Variants in MAP2K3 observed in about 807,000 individuals in gnomAD.
MAP2K3 encodes the protein dual specificity mitogen-activated protein kinase kinase 3.
Under a neutral mutation model 46.4 loss-of-function variants are expected in MAP2K3, and 30 were observed. That is an observed-to-expected ratio of 0.65 (90% CI 0.48 to 0.88). The LOEUF (loss-of-function observed/expected upper bound fraction) is 0.88. Among genes scored for constraint, MAP2K3 ranks in the 40% least tolerant of loss-of-function variants. MAP2K3 has a pLI of 0.00. For synonymous variants in MAP2K3, 189 were observed against 176.3 expected, an observed-to-expected ratio of 1.07 and a Z score of -0.57; for missense variants, 380 against 464.5, an observed-to-expected ratio of 0.82 and a Z score of 1.67.
At chr17:21,290,637 G>A (rs555786883) in intron 1 of MAP2K3, among the ~76,000 whole-genome samples, 3 of 152,310 alleles carry the variant, frequency 2.0e-5, no homozygotes, top group Non-Finnish European at 4.4e-5. Context: ...CAAGAACCCC[G>A]TTTTTGGTAT....
chr17:21,300,908 A>C lies in MAP2K3; in HGVS notation c.314A>C (p.Lys105Thr), dbSNP rs1976559598. 2 of 1,614,108 alleles carry C rather than the reference A, an allele frequency of 1.2e-6. No individual in the cohort carries two copies. Among genetic ancestry groups the C allele is most frequent in the Non-Finnish European group, 1.7e-6 (2 of 1,180,056 alleles). The change falls in exon 5 of 12, where the codon AAG becomes ACG. Residue 105 changes from lysine to threonine, a missense_variant. Coordinates refer to ENST00000342679, the MANE Select transcript of MAP2K3 (RefSeq NM_145109.3). ...IRATVNSQEQ[K>T]RLLMDLDINM... is the part of the protein sequence containing the mutation. The stretch of plus-strand genomic sequence containing the variant: ...GCCACCGTGAACTCACAGGAGCAGA[A>C]GCGGCTGCTCATGGACCTGGACATC...
intron 1 of MAP2K3, among the ~76,000 whole-genome samples, chr17:21,294,632 A>AAG (rs1976137077): frequency 6.6e-6 from 1 of 152,310 alleles, no homozygotes; most frequent in Non-Finnish European, 1.5e-5. Context: ...CTTCTCCCGC[A>AAG]TGCTTGATAC....
chr17:21,291,220 G>A (rs1241502540), intron 1 of MAP2K3, among the ~76,000 whole-genome samples: 1 of 151,620 alleles, frequency 6.6e-6, no homozygotes. Flanking sequence ...CTCCAGCCTG[G>A]GCAATAGAGA....
rs768904006 is a variant in MAP2K3 at position 21,288,013 on chromosome 17, A to G, written c.49+3044A>G. 3.1e-6 allele frequency: 4 copies of G among 1,289,058 alleles called. No individual in the cohort carries two copies. The South Asian group carries it at 4.9e-5, about 16-fold the overall frequency. The allele number at this position is 1,289,058 out of a possible 1,614,324, so 79.9% of individuals were successfully genotyped here. On this transcript the variant is annotated intron_variant, in intron 1 of 11. Transcript: ENST00000342679. ...CAGGAAACTCTCTGTCAGCCAACCCATGGCCCAGCGCCCAAAGGGAGCAAA... is the reference window on the plus strand; with the variant it reads ...CAGGAAACTCTCTGTCAGCCAACCCGTGGCCCAGCGCCCAAAGGGAGCAAA...
At chr17:21,297,922 G>C (rs939741691) in intron 1 of MAP2K3, among the ~76,000 whole-genome samples, 1 of 152,298 alleles carries the variant, frequency 6.6e-6, no homozygotes, top group African/African-American at 2.4e-5. Context: ...GTCCCCGCCT[G>C]CTCCACCGCC....
At position 21,298,945 on chromosome 17, in the gene MAP2K3, C is replaced by G; in HGVS notation, c.165+19C>G. The G allele has an allele frequency of 6.2e-7, 1 of 1,613,610 alleles. No homozygotes were observed. Among genetic ancestry groups the G allele is most frequent in the African/African-American group, 1.3e-5 (1 of 75,078 alleles). On this transcript the variant is annotated intron_variant, in intron 3 of 11. Coordinates refer to ENST00000342679, the MANE Select transcript of MAP2K3 (RefSeq NM_145109.3). ...AGACAGAGTAGGTGCCAGCCGCCAC[C>G]CCTGCAGGGCCTCTCACTTCACCTG...
intron 1 of MAP2K3, chr17:21,295,595 T>G (rs1211112960): frequency 7.8e-7 from 1 of 1,281,058 alleles, no homozygotes; most frequent in African/African-American, 1.5e-5. Flanking sequence ...CATGACGGCC[T>G]CACCCACTCC....
intron 9 of MAP2K3, among the ~76,000 whole-genome samples, chr17:21,311,263 C>T (rs1309266644): frequency 1.3e-5 from 2 of 152,120 alleles, no homozygotes; most frequent in African/African-American, 4.8e-5. Context: ...GCTGGAGCCT[C>T]GGAATTCTCT....
chr17:21,294,494 G>T (rs1359434300), intron 1 of MAP2K3, among the ~76,000 whole-genome samples: 4 of 152,312 alleles, frequency 2.6e-5, no homozygotes, highest in Non-Finnish European at 5.9e-5. Context: ...CAGGCCCAGG[G>T]TAGAGGGAGC....
chr17:21,285,716 C>T (rs1975704760), intron 1 of MAP2K3, among the ~76,000 whole-genome samples: 1 of 152,138 alleles, frequency 6.6e-6, no homozygotes, highest in Non-Finnish European at 1.5e-5. Flanking sequence ...TGGGGGTTCT[C>T]ACCCCATCTT....
At chr17:21,299,659 G>A (rs1976477112) in intron 3 of MAP2K3, among the ~76,000 whole-genome samples, 1 of 151,474 alleles carries the variant, frequency 6.6e-6, no homozygotes, top group Non-Finnish European at 1.5e-5. Context: ...TCCAGCTTGG[G>A]TGACGGAGTG....
chr17:21,303,146 A>G, intron 6 of MAP2K3, 37 bp from the exon 7 acceptor site: 1 of 1,613,756 alleles, frequency 6.2e-7, no homozygotes, highest in South Asian at 1.1e-5. Flanking sequence ...GGAATAACAG[A>G]GTCCTGTCTC....
At chr17:21,295,959 C>A (rs1976221490) in intron 1 of MAP2K3, 1 of 1,250,472 alleles carries the variant, frequency 8.0e-7, no homozygotes, top group South Asian at 1.3e-5. Flanking sequence ...GGCCCAGGGT[C>A]TCTGTGCAGA....
At chr17:21,300,703 C>T (rs751688422) in intron 4 of MAP2K3, 45 bp downstream of exon 4, 51 of 1,593,612 alleles carry the variant, frequency 3.2e-5, no homozygotes, top group South Asian at 7.9e-5. Flanking sequence ...CTGGAGGAGG[C>T]GGGCTGAGCT....
intron 1 of MAP2K3, among the ~76,000 whole-genome samples, chr17:21,297,655 C>T (rs1425615784): frequency 2.0e-5 from 3 of 152,308 alleles, no homozygotes; most frequent in South Asian, 2.1e-4. Flanking sequence ...AATGCTGACC[C>T]TCCGTTAGTA....
At position 21,314,502 on chromosome 17, in the gene MAP2K3, C is replaced by A; in HGVS notation, c.*272C>A. The stretch of plus-strand genomic sequence containing the variant: ...CGTCTCCAGCTGCTGAGATCCTGGA[C>A]TGAGGGGGCCTGGATGCCCCCTGTG... On this transcript the variant is annotated 3_prime_UTR_variant, in exon 12 of 12. Coordinates refer to ENST00000342679, the MANE Select transcript of MAP2K3 (RefSeq NM_145109.3). The A allele has an allele frequency of 2.1e-6, 1 of 484,854 alleles. No homozygotes were observed. 30.0% of individuals were successfully genotyped at this position (484,854 alleles called of 1,614,324 possible).
chr17:21,311,324 T>C (rs1007144767), intron 9 of MAP2K3, among the ~76,000 whole-genome samples: 3 of 151,912 alleles, frequency 2.0e-5, no homozygotes, highest in South Asian at 2.1e-4. Context: ...TTCCATCCAG[T>C]CATCATGATT....
In MAP2K3 at chr17:21,314,171, A is replaced by G. The variant is rs1977297432; in HGVS notation, c.985A>G (p.Lys329Glu). The part of the protein sequence containing the change: ...LMEHPFFTLH[K>E]TKKTDIAAFV... ...GGAGCACCCCTTCTTCACCTTGCAC[A>G]AAACCAAGAAGACGGACATTGCTGC... Residue 329 changes from lysine (K) to glutamate (E), a missense_variant, in exon 12 of 12, where the codon AAA becomes GAA. This residue lies in a region of MAP2K3 where 63 missense variants were observed against 81.6 expected (regional missense o/e 0.77). Coordinates refer to ENST00000342679, the MANE Select transcript of MAP2K3 (RefSeq NM_145109.3). The G allele has an allele frequency of 1.2e-6, 2 of 1,614,020 alleles. No homozygotes were observed. Among genetic ancestry groups the G allele is most frequent in the African/African-American group, 2.7e-5 (2 of 75,028 alleles).
At chr17:21,296,218 G>A (rs1348246458) in intron 1 of MAP2K3, 1 of 1,284,280 alleles carries the variant, frequency 7.8e-7, no homozygotes, top group Non-Finnish European at 1.0e-6. Flanking sequence ...CAGGTGGGTG[G>A]CATTTCTGCC....
Sources: gnomAD v4.1 joint callset for allele counts (sites outside exome capture counted in the v4.1 genomes callset) on GRCh38, gnomAD v4.1.1 for gene constraint, gnomAD v4.1.1 regional missense constraint, MANE v1.5 for transcripts, NCBI Gene and HGNC (gene_info 2026-07-23, HGNC 2026-07-21) for gene names.